The following TSPAN15 variants were observed in gnomAD, a reference collection of about 807,000 sequenced individuals.
TSPAN15 encodes tetraspanin-15.
Under a neutral mutation model 34.5 loss-of-function variants are expected in TSPAN15, and 20 were observed. The observed-to-expected ratio is 0.58, with a 90% CI of 0.41 to 0.84. The LOEUF (loss-of-function observed/expected upper bound fraction) is 0.84. TSPAN15 is among the 40% of genes least tolerant of loss of function. The probability of loss-of-function intolerance (pLI) is 0.00; values close to 1 mark genes in which losing one functional copy is unlikely to be tolerated. For missense variants in TSPAN15, 313 were observed against 386.1 expected (o/e 0.81, Z 1.59); for synonymous variants, 155 against 153.9 (o/e 1.01, Z -0.05).
the TSPAN15 span, among the ~76,000 whole-genome samples, chr10:69,539,452 A>AAGG: frequency 1.2e-3 from 68 of 55,864 alleles, 1 homozygote; most frequent in African/African-American, 3.8e-3. Flanking sequence ...GAAGAAGAAG[A>AAGG]AGAAGAAGAA....
the TSPAN15 span, among the ~76,000 whole-genome samples, chr10:69,543,723 A>G: frequency 2.8e-4 from 43 of 152,042 alleles, no homozygotes; most frequent in African/African-American, 1.0e-3. Context: ...AATGGATGAC[A>G]TTTTCATTGC....
chr10:69,508,088 G>A (rs967985791), downstream of TSPAN15, among the ~76,000 whole-genome samples: 1 of 152,080 alleles, frequency 6.6e-6, no homozygotes, highest in African/African-American at 2.4e-5. Flanking sequence ...TCAAACCTTC[G>A]GGCCAGAAGA....
intron 5 of TSPAN15, among the ~76,000 whole-genome samples, chr10:69,500,649 T>C (rs1227775830): frequency 1.3e-5 from 2 of 152,054 alleles, no homozygotes; most frequent in Non-Finnish European, 2.9e-5. Context: ...GAGAGGGCAG[T>C]CTTTTGTTCT....
intron 1 of TSPAN15, among the ~76,000 whole-genome samples, chr10:69,459,939 A>G (rs1188907233): frequency 1.4e-5 from 2 of 147,740 alleles, no homozygotes; most frequent in East Asian, 2.0e-4. Context: ...CCACGAATGG[A>G]GGGAGACTCT....
chr10:69,491,814 G>A (rs552493442), intron 3 of TSPAN15, among the ~76,000 whole-genome samples: 1 of 152,272 alleles, frequency 6.6e-6, no homozygotes, highest in South Asian at 2.1e-4. Context: ...TTGGTCCTGT[G>A]CAGGCAGCTG....
At position 69,477,124 on chromosome 10, in the gene TSPAN15, G is replaced by T. The variant is rs1841631703; in HGVS notation, c.97-6567G>T. ...GCCTTCCCTAGCTTGTGGCAGGAGG[G>T]TTGAAGCATGTGCCTTTTTCTTTTT... On this transcript the variant is annotated intron_variant, in intron 1 of 7. Coordinates refer to ENST00000373290, the MANE Select transcript of TSPAN15 (RefSeq NM_012339.5). 2.0e-5 allele frequency among the ~76,000 whole-genome samples: 3 copies of T among 152,074 alleles called. No individual in the cohort carries two copies. In the South Asian group the frequency reaches 6.2e-4, roughly 32 times the overall value.
the TSPAN15 span, among the ~76,000 whole-genome samples, chr10:69,531,440 AAC>A: frequency 6.6e-6 from 1 of 152,120 alleles, no homozygotes; most frequent in Non-Finnish European, 1.5e-5. Context: ...CTCTACTAAA[AAC>A]ACAAAAACTA....
chr10:69,469,699 C>T (rs1459404404), intron 1 of TSPAN15, among the ~76,000 whole-genome samples: 10 of 152,164 alleles, frequency 6.6e-5, no homozygotes, highest in Admixed American at 6.5e-4. Flanking sequence ...GACACCACCA[C>T]GTCCAGCTAA....
chr10:69,521,626 GA>G, the TSPAN15 span, among the ~76,000 whole-genome samples: 1 of 147,564 alleles, frequency 6.8e-6, no homozygotes, highest in African/African-American at 2.5e-5. Context: ...AAAAATAAAA[GA>G]AAAAAAGCAG....
intron 4 of TSPAN15, 74 bp from the exon 5 acceptor site, chr10:69,498,206 C>G (rs949211204): frequency 7.3e-7 from 1 of 1,367,872 alleles, no homozygotes; most frequent in Non-Finnish European, 1.0e-6. Flanking sequence ...CGTCTCCTGA[C>G]AGGGCCCCTT....
chr10:69,459,238 G>A (rs534087609), intron 1 of TSPAN15, among the ~76,000 whole-genome samples: 2 of 152,022 alleles, frequency 1.3e-5, no homozygotes, highest in African/African-American at 4.8e-5. Flanking sequence ...TCTCTGGTTG[G>A]TTGGTTTGTT....
chr10:69,544,561 G>A, the TSPAN15 span, among the ~76,000 whole-genome samples: 1 of 152,356 alleles, frequency 6.6e-6, no homozygotes, highest in African/African-American at 2.4e-5. Flanking sequence ...CTGCCCCCAG[G>A]GTAGTGGGTG....
chr10:69,538,801 G>C, the TSPAN15 span, among the ~76,000 whole-genome samples: 1 of 152,220 alleles, frequency 6.6e-6, no homozygotes, highest in South Asian at 2.1e-4. Context: ...AGACGCCCCA[G>C]CCTGTGTGTC....
chr10:69,482,587 G>A (rs796990576), intron 1 of TSPAN15, among the ~76,000 whole-genome samples: 4 of 152,290 alleles, frequency 2.6e-5, no homozygotes, highest in African/African-American at 9.6e-5. Context: ...CGTTGTGGCG[G>A]CCTCGCACTT....
chr10:69,501,678 G>A (rs779497579), intron 5 of TSPAN15, among the ~76,000 whole-genome samples: 2 of 152,206 alleles, frequency 1.3e-5, no homozygotes, highest in East Asian at 1.9e-4. Context: ...AAAAGGAGCT[G>A]AGCCTCGTGT....
At chr10:69,459,987 G>C (rs1330956810) in intron 1 of TSPAN15, among the ~76,000 whole-genome samples, 2 of 151,330 alleles carry the variant, frequency 1.3e-5, no homozygotes, top group Non-Finnish European at 2.9e-5. Flanking sequence ...GAGTCACCTG[G>C]GAGCCTTGCA....
At chr10:69,508,029 G>A (rs998397933), downstream of TSPAN15, among the ~76,000 whole-genome samples, 3 of 152,158 alleles carry the variant, frequency 2.0e-5, no homozygotes, top group Non-Finnish European at 4.4e-5. Context: ...AGAGCGTGGT[G>A]TCGGTCGACC....
the TSPAN15 span, among the ~76,000 whole-genome samples, chr10:69,532,761 A>G: frequency 6.6e-6 from 1 of 152,240 alleles, no homozygotes; most frequent in Non-Finnish European, 1.5e-5. Context: ...AGTGGGAGAA[A>G]ATCTTCACAA....
intron 3 of TSPAN15, chr10:69,495,279 G>A (rs992666218): frequency 1.4e-5 from 4 of 290,560 alleles, no homozygotes; most frequent in African/African-American, 6.5e-5. Flanking sequence ...CGGCATCAGA[G>A]CTGTGTGTCC....
Sources: gnomAD v4.1 joint callset for allele counts (sites outside exome capture counted in the v4.1 genomes callset) on GRCh38, gnomAD v4.1.1 for gene constraint, MANE v1.5 for transcripts, NCBI Gene and HGNC (gene_info 2026-07-23, HGNC 2026-07-21) for gene names.